Variants in TMEM178B observed in about 807,000 individuals in gnomAD.
TMEM178B encodes the protein transmembrane protein 178B.
Under a neutral mutation model 31.0 loss-of-function variants are expected in TMEM178B, and 5 were observed. The ratio of observed to expected loss-of-function variants is 0.16; its 90% CI spans 0.08 to 0.34. TMEM178B has a LOEUF of 0.34. Ranked by LOEUF, TMEM178B falls within the 10% of genes least tolerant of loss-of-function variation. The pLI is 1.00. For missense variants in TMEM178B, 275 were observed against 400.3 expected (o/e 0.69, Z 2.67); for synonymous variants, 164 against 164.0 (o/e 1.00, Z 0.00).
chr7:141,410,422 G>GT (rs5888003), intron 2 of TMEM178B, among the ~76,000 whole-genome samples: 140,856 of 147,800 alleles, frequency 0.95, 67,162 homozygotes, highest in East Asian at 0.98. Flanking sequence ...CTTTTCTTCT[G>GT]TTTTTTTTCT....
At chr7:141,323,079 A>T (rs1799129221) in intron 2 of TMEM178B, among the ~76,000 whole-genome samples, 1 of 152,202 alleles carries the variant, frequency 6.6e-6, no homozygotes, top group Non-Finnish European at 1.5e-5. Flanking sequence ...GGTTGAACTG[A>T]AATGGTTTGA....
At chr7:141,288,293 C>G (rs914228709) in intron 2 of TMEM178B, among the ~76,000 whole-genome samples, 10 of 151,962 alleles carry the variant, frequency 6.6e-5, no homozygotes, top group African/African-American at 2.4e-4. Flanking sequence ...TGTTGGCCTG[C>G]CTAGCCATGG....
At chr7:141,455,618 C>T (rs1335059610) in intron 3 of TMEM178B, among the ~76,000 whole-genome samples, 1 of 152,230 alleles carries the variant, frequency 6.6e-6, no homozygotes, top group Non-Finnish European at 1.5e-5. Flanking sequence ...GCCTCATTTT[C>T]CTCATCTAAA....
At position 141,074,856 on chromosome 7, in the gene TMEM178B, A is replaced by G. The variant is rs1219497205; in HGVS notation, c.382+164A>G. Among the ~76,000 whole-genome samples the G allele has an allele frequency of 6.6e-6, 1 of 152,180 alleles. No homozygotes were observed. The highest frequency in any genetic ancestry group is 1.5e-5 in the Non-Finnish European group (1 of 68,032). ...CCTCGGGGCCAGGACTTGCCTCCCA[A>G]TAGCTGTTAATGAAGCTTGGTGCAG... On this transcript the variant is annotated intron_variant, in intron 1 of 3. Transcript: ENST00000565468. This position sits in a 1 kb window ranked among gnomAD's most constrained non-coding sequence, Gnocchi z 5.1.
intron 2 of TMEM178B, among the ~76,000 whole-genome samples, chr7:141,398,711 G>A (rs566805974): frequency 6.6e-6 from 1 of 152,190 alleles, no homozygotes; most frequent in Admixed American, 6.5e-5. Flanking sequence ...GAAGCCACAG[G>A]GGGTACTGTG....
rs376215987 is a variant in TMEM178B at position 141,167,424 on chromosome 7, AGT to A, written c.383-45163_383-45162del. On this transcript the variant is annotated intron_variant, in intron 1 of 3. Transcript: ENST00000565468. The stretch of plus-strand genomic sequence containing the variant: ...AAGTTGGCATGAGGTAGTCACTGTG[AGT>A]GTGCGCGAATCGTGTTGCCCTCCTG... Among the ~76,000 whole-genome samples, 47 of 152,300 alleles carry A rather than the reference AGT, an allele frequency of 3.1e-4. 1 individual carries two copies. Among genetic ancestry groups the A allele is most frequent in the African/African-American group, 1.1e-3 (45 of 41,560 alleles).
intron 2 of TMEM178B, among the ~76,000 whole-genome samples, chr7:141,214,059 G>T (rs1320456445): frequency 6.6e-6 from 1 of 152,212 alleles, no homozygotes; most frequent in Non-Finnish European, 1.5e-5. Flanking sequence ...TTGCCTTAGA[G>T]ACACTAGTCA....
intron 2 of TMEM178B, among the ~76,000 whole-genome samples, chr7:141,420,199 C>CA (rs1337567890): frequency 6.6e-6 from 1 of 152,134 alleles, no homozygotes; most frequent in African/African-American, 2.4e-5. Flanking sequence ...ACTGCCCCCC[C>CA]CCACTACATA....
chr7:141,496,530 T>C, the TMEM178B span, among the ~76,000 whole-genome samples: 15,161 of 143,990 alleles, frequency 0.11, 2,827 homozygotes, highest in African/African-American at 0.39. Flanking sequence ...ATTAGCCAGG[T>C]GTAGTGGCGG....
intron 2 of TMEM178B, among the ~76,000 whole-genome samples, chr7:141,319,800 G>A (rs1799067575): frequency 6.6e-6 from 1 of 152,158 alleles, no homozygotes; most frequent in Non-Finnish European, 1.5e-5. Flanking sequence ...TTTAGAGAAA[G>A]CGTGCTTGGG....
intron 2 of TMEM178B, among the ~76,000 whole-genome samples, chr7:141,348,705 A>G (rs1221995964): frequency 6.6e-6 from 1 of 152,252 alleles, no homozygotes; most frequent in Non-Finnish European, 1.5e-5. Context: ...CAGGAGTTTG[A>G]AATGGACCTG....
intron 1 of TMEM178B, among the ~76,000 whole-genome samples, chr7:141,143,296 A>G (rs10226773): frequency 0.061 from 9,254 of 152,264 alleles, 948 homozygotes; most frequent in African/African-American, 0.21. Flanking sequence ...TCTCAAGGCC[A>G]ATGTCCAGAA....
intron 1 of TMEM178B, among the ~76,000 whole-genome samples, chr7:141,138,182 C>G (rs1410419018): frequency 6.6e-6 from 1 of 152,032 alleles, no homozygotes; most frequent in Non-Finnish European, 1.5e-5. Flanking sequence ...CTGCCTCAGC[C>G]TCCCGAATAG....
intron 2 of TMEM178B, among the ~76,000 whole-genome samples, chr7:141,413,506 G>GA (rs1801033994): frequency 6.6e-6 from 1 of 152,176 alleles, no homozygotes. Flanking sequence ...AGATGTTAAA[G>GA]AAAAAGTGCT....
At chr7:141,093,228 A>G (rs756905099) in intron 1 of TMEM178B, among the ~76,000 whole-genome samples, 20 of 152,162 alleles carry the variant, frequency 1.3e-4, no homozygotes, top group Non-Finnish European at 1.5e-5. Context: ...GTACAGGGAG[A>G]AGAGACTGGA....
Position 141,461,936 on chromosome 7 carries a change from C to CA in TMEM178B, c.635-8595dup, listed in dbSNP as rs1802066293. 6.6e-6 allele frequency among the ~76,000 whole-genome samples: 1 copy of CA among 152,270 alleles called. No homozygotes were observed. The highest frequency in any genetic ancestry group is 2.4e-5 in the African/African-American group (1 of 41,536). On this transcript the variant is annotated intron_variant, in intron 3 of 3. Coordinates refer to ENST00000565468, the MANE Select transcript of TMEM178B (RefSeq NM_001195278.2). The surrounding 1 kb of genome is among the most constrained non-coding windows in gnomAD (Gnocchi z 4.0). ...GTTCCCTGGTGACATTTCAGGGTGG[C>CA]AAAAATTAGCTGCTCCCCAACAGTG...
At chr7:141,222,032 C>A (rs1430902165) in intron 2 of TMEM178B, among the ~76,000 whole-genome samples, 2 of 152,188 alleles carry the variant, frequency 1.3e-5, no homozygotes, top group East Asian at 3.9e-4. Context: ...TGGTGTGGAT[C>A]GTAGTGGTCA....
At chr7:141,136,026 G>A (rs753879609) in intron 1 of TMEM178B, among the ~76,000 whole-genome samples, 15 of 151,990 alleles carry the variant, frequency 9.9e-5, no homozygotes, top group Non-Finnish European at 1.6e-4. Context: ...AAAAGGAGAT[G>A]TCCTAGAATT....
intron 1 of TMEM178B, among the ~76,000 whole-genome samples, chr7:141,079,591 T>C (rs903117212): frequency 6.6e-6 from 1 of 152,226 alleles, no homozygotes; most frequent in African/African-American, 2.4e-5. Flanking sequence ...TAGTTCATGG[T>C]CAATTATAGT....
Sources: allele counts gnomAD v4.1 joint callset (sites outside exome capture counted in the v4.1 genomes callset), GRCh38; gene constraint gnomAD v4.1.1; non-coding constraint Gnocchi (gnomAD v3.1); transcripts MANE v1.5; gene names NCBI Gene and HGNC (gene_info 2026-07-23, HGNC 2026-07-21).